The following SPG7 variants were observed in gnomAD, a reference collection of about 807,000 sequenced individuals.
The protein encoded by SPG7 is SPG7 matrix AAA peptidase subunit, paraplegin.
Under a neutral mutation model 81.9 loss-of-function variants are expected in SPG7, and 103 were observed. The observed-to-expected ratio is 1.26, with a 90% confidence interval of 1.07 to 1.48. The LOEUF (loss-of-function observed/expected upper bound fraction) is 1.48, where lower values mean the gene tolerates loss of function less well. Ranked by LOEUF, SPG7 falls within the 40% of genes most tolerant of loss-of-function variation. The pLI is 0.00. For synonymous variants in SPG7, 534 were observed against 444.2 expected (o/e 1.20, Z -2.54); for missense variants, 1,241 against 1,087.3 (o/e 1.14, Z -1.99).
At chr16:89,536,468 CGGG>C in intron 9 of SPG7, among the ~76,000 whole-genome samples, 1 of 102,342 alleles carries the variant, frequency 9.8e-6, no homozygotes, top group Non-Finnish European at 2.1e-5. Context: ...GCGGGTGAGG[CGGG>C]TGAGGCGGGT....
intron 9 of SPG7, chr16:89,541,397 C>A: frequency 1.1e-6 from 1 of 891,748 alleles, no homozygotes; most frequent in Non-Finnish European, 1.3e-6. Flanking sequence ...ACGAAATTGT[C>A]AAAATAACAA....
chr16:89,509,004 G>A (rs1211892365), intron 1 of SPG7: 7 of 469,648 alleles, frequency 1.5e-5, no homozygotes, highest in Admixed American at 7.0e-5. Context: ...GGTTATTGCC[G>A]AGTAGGGGGC....
intron 9 of SPG7, 66 bp from the exon 10 acceptor site, chr16:89,544,582 C>G: frequency 6.3e-7 from 1 of 1,599,090 alleles, no homozygotes; most frequent in Non-Finnish European, 8.6e-7. Flanking sequence ...GAAGGGGAAC[C>G]TGCAGGGGAA....
intron 4 of SPG7, 64 bp downstream of exon 4, chr16:89,524,311 T>A (rs1597621553): frequency 6.4e-7 from 1 of 1,553,178 alleles, no homozygotes; most frequent in South Asian, 1.2e-5. Flanking sequence ...CCTGTGAGAG[T>A]GAGGCTGTGG....
intron 4 of SPG7, among the ~76,000 whole-genome samples, chr16:89,524,855 G>A (rs1034389135): frequency 2.6e-5 from 4 of 152,106 alleles, no homozygotes; most frequent in African/African-American, 9.7e-5. Context: ...GGTTGGTGTG[G>A]CCCACCCCCG....
intron 9 of SPG7, chr16:89,536,916 G>C: frequency 6.2e-7 from 1 of 1,614,192 alleles, no homozygotes; most frequent in Non-Finnish European, 8.5e-7. Flanking sequence ...ACTGAAGATA[G>C]AGACCACCTT....
chr16:89,544,819 C>A (rs1479940555), intron 10 of SPG7, 47 bp downstream of exon 10: 5 of 1,611,422 alleles, frequency 3.1e-6, no homozygotes, highest in South Asian at 1.1e-5. Flanking sequence ...GGGCCGCCCC[C>A]ACTCGCTCTG....
In SPG7 at chr16:89,536,496, C is replaced by CGGGTG. The variant is rs1567918832; in HGVS notation, c.1324+3860_1324+3861insGGGTG. Among the ~76,000 whole-genome samples, 326 of 43,510 alleles carry CGGGTG rather than the reference C, an allele frequency of 7.5e-3. 76 individuals carry two copies. The highest frequency in any genetic ancestry group is 0.029 in the Middle Eastern group (1 of 34). The allele number at this position is 43,510 out of a possible 152,430, so 28.5% of individuals were successfully genotyped here. A position where few individuals can be genotyped will look rare whatever the true frequency, so the allele number is the denominator to read the frequency against. ...GTGAGGCGGGTGAGGTCAGGTGAGG[C>CGGGTG]AGGTGAGGTGAGGCGGGTGAGGTCA... On this transcript the variant is annotated intron_variant, in intron 9 of 16. Coordinates refer to ENST00000645818, the MANE Select transcript of SPG7 (RefSeq NM_003119.4).
chr16:89,539,781 C>A (rs2152407203), intron 9 of SPG7: 1 of 152,124 alleles, frequency 6.6e-6, no homozygotes, highest in Non-Finnish European at 1.5e-5. Flanking sequence ...CACCTTGTTG[C>A]CCAGCCTGCT....
Position 89,557,584 on chromosome 16 carries a change from A to ACACG in SPG7, c.*491_*492insCACG. The ACACG allele has an allele frequency of 5.1e-6, 1 of 196,254 alleles. No individual in the cohort carries two copies. The highest frequency in any genetic ancestry group is 1.1e-5 in the Non-Finnish European group (1 of 93,174). 12.2% of individuals were successfully genotyped at this position (196,254 alleles called of 1,614,324 possible). On this transcript the variant is annotated 3_prime_UTR_variant, in exon 17 of 17. Transcript: ENST00000645818. ...ATCCAGCTCACTCATCAATGGGGCC[A>ACACG]GTCAGGCCCAGGCACTGGGCTCCGG...
At position 89,557,078 on chromosome 16, in the gene SPG7, G is replaced by A. The variant is rs768453376; in HGVS notation, c.2373G>A (p.Pro791=). 55 of 1,611,352 alleles carry A rather than the reference G, an allele frequency of 3.4e-5. No individual in the cohort carries two copies. Among genetic ancestry groups the A allele is most frequent in the African/African-American group, 5.3e-5 (4 of 74,874 alleles). ...AGCCTCCACTTGGAGGCGAAGAGCC[G>A]ACTTGGCCCAAGTAGTTGGGAGGTG... ...TQQPPLGGEE[P]TWPK The change falls in exon 17 of 17, where the codon CCG becomes CCA. Residue 791 remains proline, a synonymous_variant. Coordinates refer to ENST00000645818, the MANE Select transcript of SPG7 (RefSeq NM_003119.4).
intron 6 of SPG7, 81 bp from the exon 7 acceptor site, chr16:89,530,602 G>C (rs906237851): frequency 1.3e-6 from 2 of 1,575,796 alleles, no homozygotes; most frequent in African/African-American, 1.3e-5. Context: ...GGGCGGCTCA[G>C]GTGCGTGGGC....
At chr16:89,525,175 C>T (rs1222624541) in intron 4 of SPG7, among the ~76,000 whole-genome samples, 1 of 152,014 alleles carries the variant, frequency 6.6e-6, no homozygotes. Context: ...ACTATATTGC[C>T]CAGGCTGGTC....
At chr16:89,550,855 A>G (rs2058627781) in intron 13 of SPG7, among the ~76,000 whole-genome samples, 2 of 152,322 alleles carry the variant, frequency 1.3e-5, no homozygotes, top group Middle Eastern at 3.4e-3. Context: ...ACATCGGAGC[A>G]TGGTGCTGCT....
At chr16:89,546,945 C>T (rs1000501601) in intron 11 of SPG7, 185 bp downstream of exon 11, 31 of 611,524 alleles carry the variant, frequency 5.1e-5, no homozygotes, top group Non-Finnish European at 8.1e-5. Context: ...AGACGGCACC[C>T]GCACTCCGTC....
In SPG7 at chr16:89,529,472, G is replaced by A. The variant is rs376467458; in HGVS notation, c.759-5G>A. 7.5e-5 allele frequency: 121 copies of A among 1,607,114 alleles called. No homozygotes were observed. Among genetic ancestry groups the A allele is most frequent in the Non-Finnish European group, 9.1e-5 (107 of 1,174,766 alleles). On this transcript the variant is annotated splice_polypyrimidine_tract_variant and splice_region_variant and intron_variant, in intron 5 of 16. Coordinates refer to ENST00000645818, the MANE Select transcript of SPG7 (RefSeq NM_003119.4). The stretch of plus-strand genomic sequence containing the variant: ...GCCTGTGCCTGCCTCTCTTTCTTCC[G>A]GCAGTGCCCTGTACTCTGTGGGGAT...
intron 11 of SPG7, chr16:89,547,549 C>G (rs2058579058): frequency 8.4e-6 from 2 of 238,810 alleles, no homozygotes; most frequent in Non-Finnish European, 8.3e-6. Context: ...TGCCTCTCTC[C>G]CAGACGCTCT....
intron 9 of SPG7, chr16:89,536,725 G>T (rs762374793): frequency 1.2e-6 from 2 of 1,612,092 alleles, no homozygotes; most frequent in Non-Finnish European, 1.7e-6. Context: ...GGACACCAAG[G>T]TCTTCGTCCT....
rs750622610 is a variant in SPG7 at position 89,556,965 on chromosome 16, C to T, written c.2260C>T (p.Pro754Ser). The T allele has an allele frequency of 3.7e-6, 6 of 1,613,920 alleles. No homozygotes were observed. The highest frequency in any genetic ancestry group is 4.2e-6 in the Non-Finnish European group (5 of 1,179,952). ...EALIGPPPHG[P>S]KKMIAPQRWI... The stretch of plus-strand genomic sequence containing the variant: ...TCTCATTGGCCCGCCGCCCCATGGG[C>T]CGAAGAAAATGATCGCACCGCAGAG... The change falls in exon 17 of 17, where the codon CCG becomes TCG. Residue 754 changes from proline (P) to serine (S), a missense_variant. By Grantham distance (74) the Pro-to-Ser change is moderately conservative (BLOSUM62 -1). Transcript: ENST00000645818.
Sources: allele counts gnomAD v4.1 joint callset (sites outside exome capture counted in the v4.1 genomes callset), GRCh38; gene constraint gnomAD v4.1.1; transcripts MANE v1.5; gene names NCBI Gene and HGNC (gene_info 2026-07-23, HGNC 2026-07-21).